The following CUX1 variants were observed in gnomAD, a reference collection of about 807,000 sequenced individuals.
The protein encoded by CUX1 is cut like homeobox 1, also known as protein CASP.
Under a neutral mutation model 158.8 loss-of-function variants are expected in CUX1, and 31 were observed. The observed-to-expected ratio is 0.20, with a 90% confidence interval of 0.15 to 0.26. CUX1 has a LOEUF of 0.26. Ranked by LOEUF, CUX1 falls within the 10% of genes least tolerant of loss-of-function variation. CUX1 has a pLI of 1.00. For synonymous variants in CUX1, 879 were observed against 862.1 expected (o/e 1.02, Z -0.34); for missense variants, 1,589 against 2,014.6 (o/e 0.79, Z 4.04).
At chr7:102,059,056 GGA>G (rs1195264125) in intron 3 of CUX1, among the ~76,000 whole-genome samples, 1 of 152,226 alleles carries the variant, frequency 6.6e-6, no homozygotes, top group African/African-American at 2.4e-5. Context: ...CTGCTGTCCT[GGA>G]GCATTTACCT....
intron 1 of CUX1, among the ~76,000 whole-genome samples, chr7:101,893,051 AT>A (rs760762795): frequency 2.0e-5 from 3 of 151,480 alleles, no homozygotes; most frequent in Non-Finnish European, 4.4e-5. Flanking sequence ...CAGGCTGTAC[AT>A]TTTATAACTC....
chr7:102,174,650 A>G (rs1447160781), intron 10 of CUX1, among the ~76,000 whole-genome samples: 3 of 152,210 alleles, frequency 2.0e-5, no homozygotes, highest in Non-Finnish European at 2.9e-5. Flanking sequence ...ACAGTTTCAG[A>G]TAAAGGAAGG....
intron 3 of CUX1, among the ~76,000 whole-genome samples, chr7:102,034,449 G>T (rs374662633): frequency 2.0e-5 from 3 of 151,948 alleles, no homozygotes; most frequent in East Asian, 3.9e-4. Context: ...GTGGAACCCT[G>T]TCTCTACTAA....
chr7:102,250,866 T>C lies in CUX1; in HGVS notation c.*1824T>C, dbSNP rs1801439556. On this transcript the variant is annotated 3_prime_UTR_variant, in exon 24 of 24. Coordinates refer to ENST00000292535, the MANE Select transcript of CUX1 (RefSeq NM_181552.4). ...CACGTAGAGTGCATTACTGCCACCT[T>C]TTTCAATAAGCTGTTTTATCAGTTA... 1 of 985,334 alleles carries C rather than the reference T, an allele frequency of 1.0e-6. No individual in the cohort carries two copies. The highest frequency in any genetic ancestry group is 4.7e-5 in the South Asian group (1 of 21,292). 61.0% of individuals were successfully genotyped at this position (985,334 alleles called of 1,614,324 possible).
At chr7:102,221,028 T>TA (rs1463084129) in intron 20 of CUX1, among the ~76,000 whole-genome samples, 1 of 152,102 alleles carries the variant, frequency 6.6e-6, no homozygotes, top group Admixed American at 6.6e-5. Flanking sequence ...CATTCACACT[T>TA]AATGTGCCAG....
chr7:102,261,430 G>T (rs1790390394), downstream of CUX1, among the ~76,000 whole-genome samples: 1 of 152,034 alleles, frequency 6.6e-6, no homozygotes, highest in African/African-American at 2.4e-5. Flanking sequence ...GGAGGCGGAG[G>T]TTGCAGTGAG....
intron 1 of CUX1, among the ~76,000 whole-genome samples, chr7:101,902,423 A>G (rs1431314029): frequency 6.6e-6 from 1 of 152,222 alleles, no homozygotes; most frequent in Non-Finnish European, 1.5e-5. Flanking sequence ...TATAATTGCC[A>G]CTAGCTACAT....
intron 11 of CUX1, chr7:102,188,958 G>A (rs1793960815): frequency 6.6e-6 from 1 of 152,218 alleles, no homozygotes; most frequent in East Asian, 1.9e-4. Context: ...CTAGGCCCCT[G>A]AGAGGGAGCA....
Position 102,134,550 on chromosome 7 carries a change from G to A in CUX1, c.674+19277G>A, listed in dbSNP as rs1212506966. Among the ~76,000 whole-genome samples the A allele has an allele frequency of 3.3e-5, 5 of 152,112 alleles. No individual in the cohort carries two copies. In the East Asian group the frequency reaches 9.6e-4, roughly 29 times the overall value. ...ATCTGCGTCAGACTGACAGTGTCTT[G>A]ACCGGATCCTCCTCCGTCTTTCCCC... On this transcript the variant is annotated intron_variant, in intron 8 of 23. Coordinates refer to ENST00000292535, the MANE Select transcript of CUX1 (RefSeq NM_181552.4).
chr7:102,211,026 C>T (rs1796456863), intron 20 of CUX1, among the ~76,000 whole-genome samples: 1 of 152,222 alleles, frequency 6.6e-6, no homozygotes, highest in South Asian at 2.1e-4. Flanking sequence ...AAGCAGTGTC[C>T]TTGATAAGCA....
intron 4 of CUX1, among the ~76,000 whole-genome samples, chr7:102,085,221 A>T (rs1554479990): frequency 6.6e-6 from 1 of 152,216 alleles, no homozygotes; most frequent in Non-Finnish European, 1.5e-5. Flanking sequence ...TTACTTAGCC[A>T]TGCATTTTAT....
intron 2 of CUX1, among the ~76,000 whole-genome samples, chr7:102,012,408 G>A (rs1818141844): frequency 6.6e-6 from 1 of 152,076 alleles, no homozygotes; most frequent in Admixed American, 6.6e-5. Flanking sequence ...GGCTGGTCTC[G>A]AACTCATGAC....
chr7:101,899,920 A>G (rs1296478738), intron 1 of CUX1, among the ~76,000 whole-genome samples: 2 of 152,236 alleles, frequency 1.3e-5, no homozygotes, highest in South Asian at 2.1e-4. Context: ...ACCCCATCAC[A>G]TAGCGGCAGG....
At chr7:101,959,837 C>T (rs764998003) in intron 2 of CUX1, among the ~76,000 whole-genome samples, 1 of 152,168 alleles carries the variant, frequency 6.6e-6, no homozygotes, top group Admixed American at 6.5e-5. Context: ...GGACATGGTA[C>T]AACCTGTGGA....
At chr7:102,037,899 A>G (rs111631987) in intron 3 of CUX1, among the ~76,000 whole-genome samples, 4 of 151,946 alleles carry the variant, frequency 2.6e-5, no homozygotes, top group African/African-American at 9.6e-5. Context: ...TGCTGAAAAT[A>G]CAAAACTTAG....
At chr7:101,901,263 T>G (rs568546847) in intron 1 of CUX1, among the ~76,000 whole-genome samples, 9 of 152,114 alleles carry the variant, frequency 5.9e-5, no homozygotes, top group Non-Finnish European at 7.4e-5. Flanking sequence ...GTCACCAGCC[T>G]TCTTCTACTT....
chr7:102,194,166 G>T, intron 13 of CUX1: 2 of 464,200 alleles, frequency 4.3e-6, no homozygotes, highest in Non-Finnish European at 7.7e-6. Context: ...TAGGAGATGG[G>T]CACTACCAAA....
intron 16 of CUX1, chr7:102,275,136 A>G: frequency 1.3e-6 from 1 of 740,776 alleles, no homozygotes; most frequent in Non-Finnish European, 2.3e-6. Flanking sequence ...TGTGGCTTCT[A>G]CCCCATGGCA....
chr7:102,191,593 C>T (rs1446511535), intron 12 of CUX1, among the ~76,000 whole-genome samples: 4 of 152,174 alleles, frequency 2.6e-5, no homozygotes, highest in Admixed American at 2.0e-4. Context: ...CCCTCTTCTT[C>T]CCTCTTCCAA....
Sources: allele counts gnomAD v4.1 joint callset (sites outside exome capture counted in the v4.1 genomes callset), GRCh38; gene constraint gnomAD v4.1.1; transcripts MANE v1.5; gene names NCBI Gene and HGNC (gene_info 2026-07-23, HGNC 2026-07-21).